ZNF730: variants seen among roughly 807,000 people sequenced by gnomAD.
ZNF730 encodes the protein zinc finger protein 730, also known as putative zinc finger protein 730.
Under a neutral mutation model 12.6 loss-of-function variants are expected in ZNF730, and 12 were observed. The ratio of observed to expected loss-of-function variants is 0.95; its 90% CI spans 0.61 to 1.54. The LOEUF is 1.54. Ranked by LOEUF, ZNF730 falls within the 40% of genes most tolerant of loss-of-function variation. ZNF730 has a pLI of 0.00. For missense variants in ZNF730, 643 were observed against 583.5 expected (o/e 1.10, Z -1.05); for synonymous variants, 194 against 195.8 (o/e 0.99, Z 0.08).
chr19:23,097,965 G>A (rs189226114), intron 1 of ZNF730, among the ~76,000 whole-genome samples: 1 of 151,970 alleles, frequency 6.6e-6, no homozygotes, highest in African/African-American at 2.4e-5. Context: ...ATGGCAAAAC[G>A]CTGTCTCTAC....
intron 3 of ZNF730, among the ~76,000 whole-genome samples, chr19:23,141,921 AT>A (rs1224210211): frequency 1.3e-5 from 2 of 152,074 alleles, no homozygotes; most frequent in African/African-American, 4.8e-5. Context: ...TTTTATTTTT[AT>A]TACAGAAAGT....
intron 1 of ZNF730, among the ~76,000 whole-genome samples, chr19:23,110,478 T>C (rs1287000565): frequency 1.4e-5 from 2 of 142,704 alleles, no homozygotes; most frequent in Non-Finnish European, 3.0e-5. Context: ...GGTTTCACCA[T>C]GTTGATCAGG....
chr19:23,117,214 G>C, intron 1 of ZNF730, 38 bp downstream of exon 1: 3 of 1,613,688 alleles, frequency 1.9e-6, no homozygotes, highest in Non-Finnish European at 2.5e-6. Context: ...AGAGGGAACG[G>C]GGCTGGTTGG....
intron 1 of ZNF730, among the ~76,000 whole-genome samples, chr19:23,091,135 C>T (rs1341539482): frequency 6.6e-6 from 1 of 152,196 alleles, no homozygotes; most frequent in Non-Finnish European, 1.5e-5. Context: ...CAATGTACAG[C>T]TTTGGCTGTG....
intron 1 of ZNF730, among the ~76,000 whole-genome samples, chr19:23,075,956 A>C (rs1015293037): frequency 6.6e-6 from 1 of 151,938 alleles, no homozygotes; most frequent in Non-Finnish European, 1.5e-5. Flanking sequence ...AACACAGGGG[A>C]CTAGAGCCAC....
chr19:23,095,307 ACT>A (rs771592781), intron 1 of ZNF730: 42 of 397,850 alleles, frequency 1.1e-4, no homozygotes, highest in Non-Finnish European at 1.7e-4. Flanking sequence ...ACGTTATGTG[ACT>A]CTCCTGCGTG....
chr19:23,127,244 CAA>C, intron 1 of ZNF730: 3 of 646,804 alleles, frequency 4.6e-6, no homozygotes, highest in South Asian at 4.6e-5. Context: ...AAGAAATCTT[CAA>C]GTTTCTCTTT....
chr19:23,079,130 T>C (rs571593186), intron 1 of ZNF730, among the ~76,000 whole-genome samples: 1 of 152,188 alleles, frequency 6.6e-6, no homozygotes, highest in Admixed American at 6.5e-5. Flanking sequence ...TTAATCAATG[T>C]TGTCCCTGCT....
intron 1 of ZNF730, among the ~76,000 whole-genome samples, chr19:23,081,390 G>C (rs1031563358): frequency 1.3e-5 from 2 of 152,016 alleles, no homozygotes; most frequent in African/African-American, 4.8e-5. Flanking sequence ...TGCTATCTTA[G>C]CTTACTGCAA....
chr19:23,111,562 CA>C (rs1970460723), intron 1 of ZNF730, among the ~76,000 whole-genome samples: 1 of 152,000 alleles, frequency 6.6e-6, no homozygotes, highest in Non-Finnish European at 1.5e-5. Flanking sequence ...GCCTGATCAA[CA>C]TAGTGAAACC....
chr19:23,094,276 TTTTTC>T (rs1483220150), intron 1 of ZNF730, among the ~76,000 whole-genome samples: 7 of 151,742 alleles, frequency 4.6e-5, no homozygotes, highest in Non-Finnish European at 7.4e-5. Context: ...TATTTTAGAT[TTTTTC>T]TTTTCTTTTT....
At chr19:23,106,565 G>A (rs777766654) in intron 1 of ZNF730, among the ~76,000 whole-genome samples, 1 of 152,108 alleles carries the variant, frequency 6.6e-6, no homozygotes, top group African/African-American at 2.4e-5. Context: ...GCCGAGGCAG[G>A]TGGATCACCT....
At chr19:23,089,967 G>T (rs563309476) in intron 1 of ZNF730, among the ~76,000 whole-genome samples, 1 of 152,198 alleles carries the variant, frequency 6.6e-6, no homozygotes, top group Non-Finnish European at 1.5e-5. Context: ...AGCTGAGAGG[G>T]CTGGGCACAG....
rs142763986 is a variant in ZNF730, at chr19:23,091,422, C to T, written c.-94+16035C>T. ...GAGCTGTGAGAAGAAGGCCACCATC[C>T]GCCAGACCCCAGAATGGTAGATTCA... On this transcript the variant is annotated intron_variant, in intron 1 of 2. Coordinates refer to the ZNF730 transcript ENST00000593635. 1.5e-4 allele frequency among the ~76,000 whole-genome samples: 23 copies of T among 152,258 alleles called. No homozygotes were observed. The East Asian group carries it at 2.3e-3, about 15-fold the overall frequency.
At chr19:23,076,720 A>G (rs1188023442) in intron 1 of ZNF730, among the ~76,000 whole-genome samples, 1 of 152,180 alleles carries the variant, frequency 6.6e-6, no homozygotes, top group Non-Finnish European at 1.5e-5. Flanking sequence ...TGGTCAAAGG[A>G]ATGCTTAGGC....
chr19:23,095,149 A>T (rs1425728365), intron 1 of ZNF730: 1 of 380,474 alleles, frequency 2.6e-6, no homozygotes, highest in Admixed American at 4.5e-5. Context: ...TGGACCCAGC[A>T]CTGAGGTAAT....
intron 1 of ZNF730, among the ~76,000 whole-genome samples, chr19:23,107,472 A>AAAAC (rs1970408739): frequency 6.7e-6 from 1 of 149,794 alleles, no homozygotes; most frequent in African/African-American, 2.5e-5. Flanking sequence ...AAAAAAAAAA[A>AAAAC]AAACCACCAC....
upstream of ZNF730, among the ~76,000 whole-genome samples, chr19:23,113,600 C>G (rs1970480686): frequency 6.6e-6 from 1 of 152,110 alleles, no homozygotes; most frequent in Admixed American, 6.6e-5. Context: ...TGCACTAGGT[C>G]CAAACAGACA....
intron 1 of ZNF730, chr19:23,127,769 A>C: frequency 2.3e-6 from 2 of 869,700 alleles, no homozygotes; most frequent in Non-Finnish European, 3.9e-6. Flanking sequence ...AGAGGAAGTT[A>C]GGGCCATCGT....
Sources: allele counts gnomAD v4.1 joint callset (sites outside exome capture counted in the v4.1 genomes callset), GRCh38; gene constraint gnomAD v4.1.1; transcripts MANE v1.5; gene names NCBI Gene and HGNC (gene_info 2026-07-23, HGNC 2026-07-21).